The following EYS variants were observed in gnomAD, a reference collection of about 807,000 sequenced individuals.
EYS encodes the protein protein eyes shut homolog.
EYS carries 250 observed loss-of-function variants against 282.1 expected under a neutral mutation model. That is an observed-to-expected ratio of 0.89 (90% CI 0.80 to 0.98). The LOEUF is 0.98. Ranked by LOEUF, EYS falls within the 50% of genes least tolerant of loss-of-function variation. The pLI is 0.00. For synonymous variants in EYS, 1,355 were observed against 1,282.9 expected (o/e 1.06, Z -1.20); for missense variants, 4,016 against 3,709.0 (o/e 1.08, Z -2.15).
intron 31 of EYS, among the ~76,000 whole-genome samples, chr6:64,226,176 C>T (rs997410214): frequency 1.1e-4 from 17 of 152,038 alleles, no homozygotes; most frequent in Admixed American, 2.6e-4. Context: ...TAAATAAATT[C>T]GGACTACTCT....
chr6:64,290,856 A>G (rs968869063), intron 30 of EYS, among the ~76,000 whole-genome samples: 1 of 150,924 alleles, frequency 6.6e-6, no homozygotes, highest in Non-Finnish European at 1.5e-5. Flanking sequence ...CAAATGGTAA[A>G]TATTTTAGGC....
chr6:64,900,553 AT>A (rs1767621800), intron 18 of EYS, among the ~76,000 whole-genome samples: 1 of 152,226 alleles, frequency 6.6e-6, no homozygotes, highest in Non-Finnish European at 1.5e-5. Flanking sequence ...AAACAATCCC[AT>A]CAAAAAGTGG....
rs570131062 is a variant in EYS, at chr6:64,536,798, CA to C, written c.5644+53424del. 9.4e-4 allele frequency among the ~76,000 whole-genome samples: 142 copies of C among 150,874 alleles called. 4 individuals are homozygous for C. In the South Asian group the frequency reaches 0.029, roughly 31 times the overall value. Reference sequence around the variant, plus strand: ...TTAGTTGAAGACCTGTACTTATTAACAAAATATATATATATAAAATTATATT... The same window carrying C: ...TTAGTTGAAGACCTGTACTTATTAACAAATATATATATATAAAATTATATT... On this transcript the variant is annotated intron_variant, in intron 26 of 42. Coordinates refer to ENST00000503581, the MANE Select transcript of EYS (RefSeq NM_001142800.2).
chr6:65,352,813 C>T (rs1051539954), intron 9 of EYS, among the ~76,000 whole-genome samples: 4 of 151,836 alleles, frequency 2.6e-5, no homozygotes, highest in African/African-American at 9.7e-5. Flanking sequence ...ATATCTAACC[C>T]AGCATTTTAG....
intron 5 of EYS, among the ~76,000 whole-genome samples, chr6:65,461,008 T>A (rs1015053398): frequency 4.6e-5 from 7 of 152,118 alleles, no homozygotes; most frequent in African/African-American, 1.4e-4. Flanking sequence ...TTACCAAAGA[T>A]GTATTTTCCA....
At chr6:65,105,056 T>TA (rs1459911327) in intron 12 of EYS, among the ~76,000 whole-genome samples, 1 of 151,656 alleles carries the variant, frequency 6.6e-6, no homozygotes, top group Non-Finnish European at 1.5e-5. Context: ...TTTCCATGGT[T>TA]AAAAAAACAT....
chr6:65,362,373 C>A (rs1393680), intron 8 of EYS, among the ~76,000 whole-genome samples: 102,227 of 151,732 alleles, frequency 0.67, 34,519 homozygotes, highest in South Asian at 0.71. Flanking sequence ...AACATCGTTA[C>A]TCCAAGATGC....
At chr6:65,418,239 T>C (rs1767316980) in intron 5 of EYS, among the ~76,000 whole-genome samples, 1 of 152,066 alleles carries the variant, frequency 6.6e-6, no homozygotes, top group South Asian at 2.1e-4. Flanking sequence ...AAAGTAATTT[T>C]GAGCAACACA....
chr6:63,859,747 A>T (rs1019222073), intron 36 of EYS, among the ~76,000 whole-genome samples: 4 of 152,132 alleles, frequency 2.6e-5, no homozygotes, highest in Non-Finnish European at 4.4e-5. Context: ...AAAGGAAAGC[A>T]GCTGCAAACT....
chr6:64,023,504 G>T (rs1769294274), intron 33 of EYS, among the ~76,000 whole-genome samples: 1 of 152,178 alleles, frequency 6.6e-6, no homozygotes, highest in Admixed American at 6.5e-5. Context: ...ACATTGTACG[G>T]TGTAAAATGG....
chr6:64,684,224 A>G (rs1361287264), intron 22 of EYS, among the ~76,000 whole-genome samples: 1 of 152,216 alleles, frequency 6.6e-6, no homozygotes, highest in Non-Finnish European at 1.5e-5. Flanking sequence ...CTGGAAGACA[A>G]TGAAATGATA....
At chr6:65,271,452 C>T (rs1393698365) in intron 12 of EYS, among the ~76,000 whole-genome samples, 4 of 152,058 alleles carry the variant, frequency 2.6e-5, no homozygotes, top group South Asian at 2.1e-4. Context: ...CTGGGGAGGG[C>T]CACATGCTTT....
At chr6:63,923,074 A>G (rs1484479094) in intron 35 of EYS, among the ~76,000 whole-genome samples, 1 of 152,202 alleles carries the variant, frequency 6.6e-6, no homozygotes, top group African/African-American at 2.4e-5. Context: ...TAAGTTTGCT[A>G]AAGTAATGTT....
chr6:63,908,031 T>TATATATATATAC (rs1491523191), intron 35 of EYS, among the ~76,000 whole-genome samples: 87 of 50,208 alleles, frequency 1.7e-3, no homozygotes, highest in African/African-American at 7.6e-3. Context: ...TATATATATA[T>TATATATATATAC]ACGTTTGTGT....
intron 13 of EYS, among the ~76,000 whole-genome samples, chr6:65,014,770 T>C (rs1376506611): frequency 2.0e-5 from 3 of 152,178 alleles, no homozygotes; most frequent in Admixed American, 2.0e-4. Flanking sequence ...CTCCCTTCAC[T>C]ACCTCCCTGT....
At chr6:64,151,325 A>T (rs1293322846) in intron 31 of EYS, among the ~76,000 whole-genome samples, 8 of 78,630 alleles carry the variant, frequency 1.0e-4, no homozygotes, top group African/African-American at 5.7e-4. Context: ...ATTTATATAT[A>T]TATATATATA....
intron 12 of EYS, among the ~76,000 whole-genome samples, chr6:65,077,018 A>G (rs1244838171): frequency 6.6e-6 from 1 of 152,030 alleles, no homozygotes; most frequent in East Asian, 1.9e-4. Context: ...ACACTAAACT[A>G]AAGTCAACAA....
At chr6:63,726,273 G>A (rs983317560) in intron 42 of EYS, among the ~76,000 whole-genome samples, 7 of 152,046 alleles carry the variant, frequency 4.6e-5, no homozygotes, top group African/African-American at 1.4e-4. Context: ...TTTTTTGATG[G>A]TATTGTTTTT....
At chr6:64,491,412 C>G (rs151324862) in intron 26 of EYS, among the ~76,000 whole-genome samples, 2,453 of 150,900 alleles carry the variant, frequency 0.016, 23 homozygotes, top group South Asian at 0.036. Flanking sequence ...CCTTGAGTAT[C>G]AGGCAAGTTT....
Sources: gnomAD v4.1 joint callset for allele counts (sites outside exome capture counted in the v4.1 genomes callset) on GRCh38, gnomAD v4.1.1 for gene constraint, MANE v1.5 for transcripts, NCBI Gene and HGNC (gene_info 2026-07-23, HGNC 2026-07-21) for gene names.